ATXN2: variants seen among roughly 807,000 people sequenced by gnomAD.
ATXN2 encodes the protein ataxin 2.
ATXN2 carries 37 observed loss-of-function variants against 138.6 expected under a neutral mutation model. The observed-to-expected ratio is 0.27, with a 90% CI of 0.21 to 0.35. The LOEUF is 0.35. ATXN2 is among the 10% of genes least tolerant of loss of function. The pLI is 1.00. For missense variants in ATXN2, 1,216 were observed against 1,480.3 expected, an observed-to-expected ratio of 0.82 and a Z score of 2.93; for synonymous variants, 549 against 543.7, an observed-to-expected ratio of 1.01 and a Z score of -0.13.
intron 5 of ATXN2, among the ~76,000 whole-genome samples, chr12:111,540,380 T>C (rs1222507804): frequency 6.6e-6 from 1 of 150,648 alleles, no homozygotes; most frequent in African/African-American, 2.4e-5. Flanking sequence ...AGTTTAAGAA[T>C]GCTACTTGTT....
chr12:111,500,209 C>T (rs537646462), intron 14 of ATXN2, among the ~76,000 whole-genome samples: 3 of 152,256 alleles, frequency 2.0e-5, no homozygotes, highest in African/African-American at 7.2e-5. Flanking sequence ...TGGAATCAAC[C>T]TACGTGTCCA....
chr12:111,555,799 C>A, intron 2 of ATXN2, 84 bp downstream of exon 2: 1 of 1,157,100 alleles, frequency 8.6e-7, no homozygotes, highest in Non-Finnish European at 1.2e-6. Flanking sequence ...AGAAGGGAAT[C>A]TTTTGCCTTG....
At chr12:111,496,377 C>CA (rs890239668) in intron 14 of ATXN2, among the ~76,000 whole-genome samples, 10 of 149,572 alleles carry the variant, frequency 6.7e-5, no homozygotes, top group African/African-American at 1.2e-4. Flanking sequence ...ACTAAAAATA[C>CA]AAAAAAAAAT....
In ATXN2 at chr12:111,598,545, CGCCGGG is replaced by C; in HGVS notation, c.251+233_251+238del. The C allele has an allele frequency of 1.0e-6, 1 of 982,982 alleles. No homozygotes were observed. Among genetic ancestry groups the C allele is most frequent in the South Asian group, 4.7e-5 (1 of 21,204 alleles). The allele number at this position is 982,982 out of a possible 1,614,324, so 60.9% of individuals were successfully genotyped here. A position where few individuals can be genotyped will look rare whatever the true frequency, so the allele number is the denominator to read the frequency against. On this transcript the variant is annotated intron_variant, in intron 1 of 24. Coordinates refer to ENST00000673436, the MANE Select transcript of ATXN2 (RefSeq NM_001372574.1). This position sits in a 1 kb window ranked among gnomAD's most constrained non-coding sequence, Gnocchi z 4.5. ...GGCCGCCCGCTCCCTCCATCTTGAC[CGCCGGG>C]GGAGGGGGCGGGGATGCTGCGGGAG...
chr12:111,489,178 G>T (rs1189296665), intron 14 of ATXN2, among the ~76,000 whole-genome samples: 1 of 146,508 alleles, frequency 6.8e-6, no homozygotes, highest in Non-Finnish European at 1.5e-5. Context: ...AAAAAGAAAG[G>T]TTTCTCAGTA....
intron 14 of ATXN2, among the ~76,000 whole-genome samples, chr12:111,492,015 C>T (rs1878065690): frequency 6.6e-6 from 1 of 152,172 alleles, no homozygotes; most frequent in South Asian, 2.1e-4. Flanking sequence ...GGATTCTTCA[C>T]CTACTGACTA....
intron 1 of ATXN2, among the ~76,000 whole-genome samples, chr12:111,590,323 C>T (rs1429695832): frequency 6.6e-6 from 1 of 152,098 alleles, no homozygotes; most frequent in Non-Finnish European, 1.5e-5. Flanking sequence ...CCTATTTTAG[C>T]AAGCCAAAAT....
intron 6 of ATXN2, among the ~76,000 whole-genome samples, 188 bp from the exon 7 acceptor site, chr12:111,521,161 T>C (rs1355389696): frequency 6.6e-6 from 1 of 152,214 alleles, no homozygotes; most frequent in African/African-American, 2.4e-5. Context: ...AGTTGATAAG[T>C]AACTATACAA....
At chr12:111,470,082 G>C (rs968988138) in intron 20 of ATXN2, 26 bp downstream of exon 20, 1 of 1,610,480 alleles carries the variant, frequency 6.2e-7, no homozygotes, top group Non-Finnish European at 8.5e-7. Flanking sequence ...ACACACACTG[G>C]AAGAGACAAA....
intron 14 of ATXN2, among the ~76,000 whole-genome samples, chr12:111,496,916 TC>T (rs1479986621): frequency 8.7e-5 from 13 of 149,208 alleles, no homozygotes; most frequent in African/African-American, 3.2e-4. Context: ...ATACAAAAGA[TC>T]AATAAAACAG....
rs1006267556 is a variant in ATXN2 at position 111,583,281 on chromosome 12, G to A, written c.251+15503C>T. ...GCTGGGATTATAGGCGTGAGCCACC[G>A]CGCCCAGCCAAGGAAGATATTCTTT... On this transcript the variant is annotated intron_variant, in intron 1 of 24. Transcript: ENST00000673436. Among the ~76,000 whole-genome samples, 8 of 152,050 alleles carry A rather than the reference G, an allele frequency of 5.3e-5. No homozygotes were observed. The South Asian group carries it at 1.2e-3, about 24-fold the overall frequency.
At chr12:111,515,184 A>T (rs1406054240) in intron 10 of ATXN2, among the ~76,000 whole-genome samples, 3 of 152,216 alleles carry the variant, frequency 2.0e-5, no homozygotes, top group Admixed American at 2.0e-4. Flanking sequence ...CAATTTATTT[A>T]AAAGTAGCCA....
chr12:111,454,865 C>A (rs1266262748), intron 23 of ATXN2: 2 of 561,156 alleles, frequency 3.6e-6, no homozygotes, highest in African/African-American at 3.7e-5. Context: ...CTGGTAGACA[C>A]CTACAGGACC....
At chr12:111,596,205 AACACACACACACACACACACAC>A (rs35316415) in intron 1 of ATXN2, among the ~76,000 whole-genome samples, 2 of 141,748 alleles carry the variant, frequency 1.4e-5, no homozygotes, top group South Asian at 2.3e-4. Context: ...TTCCATCCAA[AACACACACACACACACACACAC>A]ACACACACAC....
At position 111,528,577 on chromosome 12, in the gene ATXN2, A is replaced by T. The variant is rs984742075; in HGVS notation, c.572-3261T>A. Among the ~76,000 whole-genome samples the T allele has an allele frequency of 3.5e-4, 53 of 152,116 alleles. 1 individual carries two copies. Among genetic ancestry groups the T allele is most frequent in the African/African-American group, 9.2e-4 (38 of 41,520 alleles). On this transcript the variant is annotated intron_variant, in intron 5 of 24. Coordinates refer to ENST00000673436, the MANE Select transcript of ATXN2 (RefSeq NM_001372574.1). ...CTGTTTACAATACCAAACTTTTTTTAAAAAAAAGTATTCACAGGTTATGTA... is the reference window on the plus strand; with the variant it reads ...CTGTTTACAATACCAAACTTTTTTTTAAAAAAAGTATTCACAGGTTATGTA...
intron 18 of ATXN2, among the ~76,000 whole-genome samples, chr12:111,475,161 C>G (rs1182119142): frequency 6.6e-6 from 1 of 151,508 alleles, no homozygotes; most frequent in African/African-American, 2.4e-5. Flanking sequence ...TTGCAGTGAG[C>G]CGAGATCGCA....
At chr12:111,477,525 G>A (rs1451180664) in intron 18 of ATXN2, among the ~76,000 whole-genome samples, 1 of 151,802 alleles carries the variant, frequency 6.6e-6, no homozygotes, top group East Asian at 1.9e-4. Flanking sequence ...ATAACCTAGG[G>A]TACGTAAAAG....
At chr12:111,582,657 T>C (rs889053483) in intron 1 of ATXN2, among the ~76,000 whole-genome samples, 1 of 152,142 alleles carries the variant, frequency 6.6e-6, no homozygotes, top group Non-Finnish European at 1.5e-5. Flanking sequence ...AGTATCTCAG[T>C]TTTTTTGTTT....
intron 11 of ATXN2, 70 bp from the exon 12 acceptor site, chr12:111,510,652 C>G: frequency 1.4e-6 from 2 of 1,385,962 alleles, no homozygotes; most frequent in Non-Finnish European, 2.0e-6. Context: ...AGGCTTCAGG[C>G]TTCTCTGAAG....
Sources: gnomAD v4.1 joint callset for allele counts (sites outside exome capture counted in the v4.1 genomes callset) on GRCh38, gnomAD v4.1.1 for gene constraint, Gnocchi (gnomAD v3.1) non-coding constraint, MANE v1.5 for transcripts, NCBI Gene and HGNC (gene_info 2026-07-23, HGNC 2026-07-21) for gene names.